NRXN3: variants seen among roughly 807,000 people sequenced by gnomAD.
NRXN3 encodes the protein neurexin III.
Under a neutral mutation model 137.6 loss-of-function variants are expected in NRXN3, and 32 were observed. The ratio of observed to expected loss-of-function variants is 0.23; its 90% CI spans 0.18 to 0.31. The LOEUF (loss-of-function observed/expected upper bound fraction) is 0.31. NRXN3 is among the 10% of genes least tolerant of loss of function. NRXN3 has a pLI of 1.00. For synonymous variants in NRXN3, 798 were observed against 784.5 expected (o/e 1.02, Z -0.29); for missense variants, 1,574 against 2,062.5 (o/e 0.76, Z 4.59).
chr14:78,271,684 G>A (rs1441944781), intron 2 of NRXN3, among the ~76,000 whole-genome samples: 2 of 152,112 alleles, frequency 1.3e-5, no homozygotes, highest in Non-Finnish European at 1.5e-5. Flanking sequence ...CCTCCTGGCC[G>A]CTGCCTGCCC....
intron 4 of NRXN3, among the ~76,000 whole-genome samples, chr14:78,393,612 TAC>T (rs2091058818): frequency 6.6e-6 from 1 of 152,074 alleles, no homozygotes; most frequent in African/African-American, 2.4e-5. Context: ...TTAATTTCCA[TAC>T]ACATTTTTAA....
intron 16 of NRXN3, among the ~76,000 whole-genome samples, chr14:79,648,663 A>T (rs2098462205): frequency 6.8e-6 from 1 of 148,126 alleles, no homozygotes; most frequent in African/African-American, 2.4e-5. Flanking sequence ...CTGTTTGTGT[A>T]TTGTGCCTCT....
intron 4 of NRXN3, among the ~76,000 whole-genome samples, chr14:78,401,760 A>G (rs1452141999): frequency 6.6e-6 from 1 of 152,220 alleles, no homozygotes; most frequent in East Asian, 1.9e-4. Flanking sequence ...GCTGGCCCAC[A>G]TAAGGATTCA....
chr14:79,806,962 ATTTTTTTTTTTTTTTTTT>A (rs35028709), intron 20 of NRXN3, among the ~76,000 whole-genome samples: 2 of 26,356 alleles, frequency 7.6e-5, no homozygotes, highest in Non-Finnish European at 1.3e-4. Context: ...ATATATATAT[ATTTTTTTTTTTTTTTTTT>A]TTTTTTTTTT....
chr14:78,504,027 A>T (rs1414081763), intron 4 of NRXN3, among the ~76,000 whole-genome samples: 1 of 152,188 alleles, frequency 6.6e-6, no homozygotes, highest in Non-Finnish European at 1.5e-5. Flanking sequence ...TTAATGGAGG[A>T]GTCTTTACTG....
At chr14:79,533,620 T>C (rs1567413784) in intron 16 of NRXN3, among the ~76,000 whole-genome samples, 1 of 152,092 alleles carries the variant, frequency 6.6e-6, no homozygotes, top group South Asian at 2.1e-4. Context: ...TGAAAAACAA[T>C]AAAAATCGTC....
At chr14:78,719,757 A>T (rs1157778269) in intron 8 of NRXN3, among the ~76,000 whole-genome samples, 2 of 152,084 alleles carry the variant, frequency 1.3e-5, no homozygotes, top group African/African-American at 4.8e-5. Context: ...CATGAGAATC[A>T]CTTGAATCTG....
At chr14:79,326,106 ACAT>A in intron 15 of NRXN3, among the ~76,000 whole-genome samples, 2 of 152,284 alleles carry the variant, frequency 1.3e-5, no homozygotes, top group South Asian at 4.2e-4. Flanking sequence ...TGCCAAAGTG[ACAT>A]CATTAACATT....
At chr14:79,070,587 A>G (rs546384542) in intron 15 of NRXN3, among the ~76,000 whole-genome samples, 47 of 152,180 alleles carry the variant, frequency 3.1e-4, no homozygotes, top group Non-Finnish European at 5.6e-4. Context: ...GACTATTGCT[A>G]TCCCTTTTAG....
intron 6 of NRXN3, among the ~76,000 whole-genome samples, chr14:78,702,343 T>C (rs1288258119): frequency 6.6e-6 from 1 of 150,738 alleles, no homozygotes; most frequent in African/African-American, 2.4e-5. Context: ...AAAGTTATGA[T>C]TTTATAGTTT....
intron 15 of NRXN3, among the ~76,000 whole-genome samples, chr14:79,425,597 C>T (rs908187691): frequency 1.3e-5 from 2 of 152,272 alleles, no homozygotes; most frequent in African/African-American, 4.8e-5. Flanking sequence ...TTATTATCCT[C>T]ATTTTTACAA....
At chr14:78,731,609 GTGTGTGTGTGTGTGTGTGTCTC>G (rs1020542137) in intron 8 of NRXN3, among the ~76,000 whole-genome samples, 165 of 53,604 alleles carry the variant, frequency 3.1e-3, no homozygotes, top group African/African-American at 6.2e-3. Context: ...ATATATATAT[GTGTGTGTGTGTGTGTGTGTCTC>G]TGTGTGTGTG....
chr14:79,360,235 G>A (rs571917697), intron 15 of NRXN3, among the ~76,000 whole-genome samples: 139 of 152,276 alleles, frequency 9.1e-4, no homozygotes, highest in Non-Finnish European at 1.8e-3. Flanking sequence ...CCTAGTTGAT[G>A]AAATTAACAA....
intron 4 of NRXN3, among the ~76,000 whole-genome samples, chr14:78,340,918 G>T (rs1366800427): frequency 6.6e-6 from 1 of 152,108 alleles, no homozygotes; most frequent in South Asian, 2.1e-4. Flanking sequence ...CCAAATAAAC[G>T]ATAGCAAGCT....
At chr14:78,795,144 G>C (rs1246993740) in intron 8 of NRXN3, among the ~76,000 whole-genome samples, 3 of 152,262 alleles carry the variant, frequency 2.0e-5, no homozygotes, top group African/African-American at 7.2e-5. Flanking sequence ...TTTGAAAAGG[G>C]AGGAGGATAA....
chr14:78,795,832 G>T (rs547712432), intron 8 of NRXN3, among the ~76,000 whole-genome samples: 1 of 152,130 alleles, frequency 6.6e-6, no homozygotes, highest in Non-Finnish European at 1.5e-5. Flanking sequence ...TTAAAAAATT[G>T]TCATAAGGAC....
At chr14:78,359,650 G>T (rs1453918789) in intron 4 of NRXN3, among the ~76,000 whole-genome samples, 1 of 152,128 alleles carries the variant, frequency 6.6e-6, no homozygotes, top group Non-Finnish European at 1.5e-5. Flanking sequence ...GCCCAGGAGG[G>T]TGTGGACGAT....
chr14:79,715,635 C>CCTGT (rs2098821236), intron 19 of NRXN3, among the ~76,000 whole-genome samples: 2 of 152,090 alleles, frequency 1.3e-5, no homozygotes, highest in African/African-American at 4.8e-5. Flanking sequence ...GTGTAGGATG[C>CCTGT]CTGTCTTCAT....
chr14:79,543,592 T>C (rs909430787), intron 16 of NRXN3, among the ~76,000 whole-genome samples: 6 of 152,138 alleles, frequency 3.9e-5, no homozygotes, highest in Non-Finnish European at 8.8e-5. Flanking sequence ...GTCGGCTGTA[T>C]TTGGCATGAC....
Sources: allele counts gnomAD v4.1 joint callset (sites outside exome capture counted in the v4.1 genomes callset), GRCh38; gene constraint gnomAD v4.1.1; transcripts MANE v1.5; gene names NCBI Gene and HGNC (gene_info 2026-07-23, HGNC 2026-07-21).